The following PRKCH variants were observed in gnomAD, a reference collection of about 807,000 sequenced individuals.
The protein encoded by PRKCH is protein kinase C eta type.
In PRKCH, 28 loss-of-function variants were observed where a neutral mutation model predicts 82.5. The ratio of observed to expected loss-of-function variants is 0.34; its 90% CI spans 0.25 to 0.47. PRKCH has a LOEUF of 0.47. PRKCH is among the 20% of genes least tolerant of loss of function. The pLI is 1.00. For synonymous variants in PRKCH, 322 were observed against 327.4 expected, an observed-to-expected ratio of 0.98 and a Z score of 0.18; for missense variants, 705 against 881.8, an observed-to-expected ratio of 0.80 and a Z score of 2.54.
intron 1 of PRKCH, among the ~76,000 whole-genome samples, chr14:61,194,396 C>T (rs913962947): frequency 2.0e-5 from 3 of 152,162 alleles, no homozygotes; most frequent in African/African-American, 7.2e-5. Flanking sequence ...AGGGTGATAG[C>T]ACTCTCATGA....
chr14:61,516,865 A>G (rs1006586918), intron 10 of PRKCH, among the ~76,000 whole-genome samples: 2 of 152,196 alleles, frequency 1.3e-5, no homozygotes, highest in Admixed American at 1.3e-4. Context: ...AAAGCCTTTT[A>G]TGCAAAACAT....
At chr14:61,434,865 A>G (rs946427995) in intron 2 of PRKCH, among the ~76,000 whole-genome samples, 2 of 152,174 alleles carry the variant, frequency 1.3e-5, no homozygotes, top group Non-Finnish European at 2.9e-5. Flanking sequence ...TACTTTTTAA[A>G]AGATTTTTTA....
At chr14:61,451,561 A>G (rs1272305170) in intron 6 of PRKCH, among the ~76,000 whole-genome samples, 1 of 152,214 alleles carries the variant, frequency 6.6e-6, no homozygotes, top group Non-Finnish European at 1.5e-5. Flanking sequence ...GTAAGCTTGC[A>G]TCTCACCAGC....
At chr14:61,546,007 C>G (rs1358636568) in intron 12 of PRKCH, among the ~76,000 whole-genome samples, 1 of 152,258 alleles carries the variant, frequency 6.6e-6, no homozygotes, top group African/African-American at 2.4e-5. Flanking sequence ...TGGGTGTGTT[C>G]TGCCGTCCTG....
At chr14:61,336,799 T>C (rs2140133178) in intron 1 of PRKCH, among the ~76,000 whole-genome samples, 1 of 152,254 alleles carries the variant, frequency 6.6e-6, no homozygotes. Context: ...CCAGGTGTGG[T>C]GGCTCATGCC....
intron 1 of PRKCH, among the ~76,000 whole-genome samples, chr14:61,276,875 C>T (rs185553207): frequency 6.6e-6 from 1 of 152,146 alleles, no homozygotes; most frequent in East Asian, 1.9e-4. Context: ...GACTATTAGT[C>T]TGTCTCTGAA....
At chr14:61,190,745 C>T (rs2044401562) in intron 1 of PRKCH, among the ~76,000 whole-genome samples, 1 of 152,122 alleles carries the variant, frequency 6.6e-6, no homozygotes. Context: ...GCTCTGCACT[C>T]ACTGTTCCTG....
intron 1 of PRKCH, among the ~76,000 whole-genome samples, chr14:61,291,928 G>A (rs542233386): frequency 2.0e-4 from 31 of 152,120 alleles, no homozygotes; most frequent in Admixed American, 1.7e-3. Context: ...AACTGCGAGC[G>A]CTCTTAGGTT....
chr14:61,240,636 G>A (rs2044829069), intron 1 of PRKCH, among the ~76,000 whole-genome samples: 1 of 148,462 alleles, frequency 6.7e-6, no homozygotes, highest in Admixed American at 6.7e-5. Context: ...TTTATTAAAG[G>A]AAAGTTCCAC....
chr14:61,545,808 T>C (rs1463888950), intron 12 of PRKCH, among the ~76,000 whole-genome samples: 1 of 152,154 alleles, frequency 6.6e-6, no homozygotes, highest in Non-Finnish European at 1.5e-5. Context: ...CAGTGCCCCA[T>C]GGAAGCTTGG....
chr14:61,390,228 G>A (rs1358583156), intron 1 of PRKCH, among the ~76,000 whole-genome samples: 6 of 152,208 alleles, frequency 3.9e-5, no homozygotes, highest in East Asian at 3.9e-4. Flanking sequence ...CATCCTGGGC[G>A]CCATGCTGTA....
At chr14:61,500,123 G>A (rs1886840180) in intron 10 of PRKCH, among the ~76,000 whole-genome samples, 1 of 150,614 alleles carries the variant, frequency 6.6e-6, no homozygotes. Flanking sequence ...CTTCTCTTAC[G>A]AAATCAGAAC....
intron 10 of PRKCH, among the ~76,000 whole-genome samples, chr14:61,521,896 G>T (rs2042912304): frequency 6.6e-6 from 1 of 152,120 alleles, no homozygotes; most frequent in South Asian, 2.1e-4. Flanking sequence ...GGCCTCAGGA[G>T]ATCCTCTTCC....
At chr14:61,353,790 A>C (rs1349452947) in intron 1 of PRKCH, 1 of 152,216 alleles carries the variant, frequency 6.6e-6, no homozygotes, top group Non-Finnish European at 1.5e-5. Flanking sequence ...AATATAAATT[A>C]GCCAGGCATG....
intron 1 of PRKCH, among the ~76,000 whole-genome samples, chr14:61,337,484 A>T (rs1356232906): frequency 6.6e-6 from 1 of 151,256 alleles, no homozygotes; most frequent in South Asian, 2.1e-4. Flanking sequence ...TGGTACATAC[A>T]ATCTTAACTC....
At chr14:61,479,176 C>T (rs1885859132) in intron 9 of PRKCH, among the ~76,000 whole-genome samples, 1 of 152,186 alleles carries the variant, frequency 6.6e-6, no homozygotes, top group African/African-American at 2.4e-5. Context: ...CCTGTCCATC[C>T]ACCCACCCAG....
At chr14:61,315,009 A>G (rs758133417) in intron 1 of PRKCH, among the ~76,000 whole-genome samples, 15 of 152,154 alleles carry the variant, frequency 9.9e-5, no homozygotes, top group Non-Finnish European at 1.9e-4. Flanking sequence ...TCTGCCCAAT[A>G]TGCTGCATCA....
chr14:61,513,236 G>A (rs565624961), intron 10 of PRKCH, among the ~76,000 whole-genome samples: 3 of 152,272 alleles, frequency 2.0e-5, no homozygotes, highest in Admixed American at 6.5e-5. Context: ...AAAGTTTAAG[G>A]TAAGAAACTC....
intron 1 of PRKCH, among the ~76,000 whole-genome samples, chr14:61,375,966 A>G (rs143276731): frequency 0.01 from 1,534 of 151,252 alleles, 40 homozygotes; most frequent in South Asian, 0.059. Flanking sequence ...GCAGTGAGCC[A>G]AGATCATGCC....
Sources: gnomAD v4.1 joint callset for allele counts (sites outside exome capture counted in the v4.1 genomes callset) on GRCh38, gnomAD v4.1.1 for gene constraint, MANE v1.5 for transcripts, NCBI Gene and HGNC (gene_info 2026-07-23, HGNC 2026-07-21) for gene names.